Variants in EXOC2 observed in about 807,000 individuals in gnomAD.
EXOC2 encodes exocyst complex component 2.
Under a neutral mutation model 131.8 loss-of-function variants are expected in EXOC2, and 70 were observed. The ratio of observed to expected loss-of-function variants is 0.53; its 90% CI spans 0.44 to 0.65. The LOEUF is 0.65. Ranked by LOEUF, EXOC2 falls within the 30% of genes least tolerant of loss-of-function variation. The pLI is 0.00. For synonymous variants in EXOC2, 411 were observed against 398.4 expected, an observed-to-expected ratio of 1.03 and a Z score of -0.38; for missense variants, 923 against 1,108.6, an observed-to-expected ratio of 0.83 and a Z score of 2.38.
intron 1 of EXOC2, among the ~76,000 whole-genome samples, chr6:658,537 G>A (rs1763243123): frequency 6.6e-6 from 1 of 150,528 alleles, no homozygotes; most frequent in South Asian, 2.1e-4. Context: ...CCAGCATTTA[G>A]AACAGTATTT....
chr6:593,360 C>A (rs1350366765), intron 10 of EXOC2, among the ~76,000 whole-genome samples: 1 of 152,160 alleles, frequency 6.6e-6, no homozygotes, highest in Non-Finnish European at 1.5e-5. Context: ...CTAAAACTAG[C>A]TAAATGAGGG....
Position 633,065 on chromosome 6 carries a change from T to A in EXOC2, c.171A>T (p.Ala57=). Residue 57 remains alanine (A), a synonymous_variant, in exon 3 of 28, where the codon GCA becomes GCT. Transcript: ENST00000230449. The part of the protein sequence containing the change: ...NCLLTAEWMS[A]SKIVCRVGQA... ...GTCCCACTCGACATACTATTTTACT[T>A]GCAGACATCCATTCTGCCGTCAGGA... The A allele has an allele frequency of 6.2e-7, 1 of 1,614,112 alleles. No individual in the cohort carries two copies. The highest frequency in any genetic ancestry group is 8.5e-7 in the Non-Finnish European group (1 of 1,180,012).
intron 1 of EXOC2, among the ~76,000 whole-genome samples, chr6:684,811 ATGAAACCACAAC>A: frequency 6.6e-6 from 1 of 152,226 alleles, no homozygotes; most frequent in Non-Finnish European, 1.5e-5. Context: ...AAAATCAGAA[ATGAAACCACAAC>A]TGAAAGTAGT....
intron 13 of EXOC2, among the ~76,000 whole-genome samples, chr6:566,432 G>C (rs1487493847): frequency 6.6e-6 from 1 of 152,190 alleles, no homozygotes; most frequent in African/African-American, 2.4e-5. Flanking sequence ...GCCGCCTGAA[G>C]GAGAACCTAC....
intron 22 of EXOC2, among the ~76,000 whole-genome samples, chr6:533,119 T>G (rs986916178): frequency 6.6e-6 from 1 of 152,156 alleles, no homozygotes; most frequent in Non-Finnish European, 1.5e-5. Flanking sequence ...GCCACTACGA[T>G]TCAATGACCT....
intron 1 of EXOC2, among the ~76,000 whole-genome samples, chr6:689,540 AG>A (rs1283512062): frequency 6.6e-6 from 1 of 152,196 alleles, no homozygotes; most frequent in African/African-American, 2.4e-5. Context: ...TTATCATCAA[AG>A]CTTCCCAATT....
At chr6:554,806 C>G (rs1487911750) in intron 20 of EXOC2, among the ~76,000 whole-genome samples, 2 of 152,142 alleles carry the variant, frequency 1.3e-5, no homozygotes, top group Admixed American at 1.3e-4. Flanking sequence ...TTGTAAACAT[C>G]AAGAGCTAAC....
chr6:688,734 C>T (rs1478671928), intron 1 of EXOC2, among the ~76,000 whole-genome samples: 3 of 152,228 alleles, frequency 2.0e-5, no homozygotes, highest in Admixed American at 2.0e-4. Flanking sequence ...CCTCACCACT[C>T]CTTGTATATT....
chr6:580,013 C>T (rs1758799208), intron 11 of EXOC2, among the ~76,000 whole-genome samples: 1 of 151,240 alleles, frequency 6.6e-6, no homozygotes, highest in South Asian at 2.1e-4. Context: ...ATACACATTA[C>T]ATAAAGCATA....
intron 4 of EXOC2, 31 bp from the exon 5 acceptor site, chr6:619,574 C>A: frequency 6.6e-7 from 1 of 1,506,218 alleles, no homozygotes; most frequent in South Asian, 1.1e-5. Context: ...AAATATATTT[C>A]AATGGTTATT....
At chr6:656,900 C>G in intron 1 of EXOC2, 1 of 1,558,658 alleles carries the variant, frequency 6.4e-7, no homozygotes, top group Non-Finnish European at 8.7e-7. Context: ...CGTGAATGAA[C>G]AGCTCTAGAC....
In EXOC2 at chr6:488,137, G is replaced by A. The variant is rs376792136; in HGVS notation, c.2681+842C>T. Among the ~76,000 whole-genome samples, 11 of 152,112 alleles carry A rather than the reference G, an allele frequency of 7.2e-5. No homozygotes were observed. In the East Asian group the frequency reaches 9.6e-4, roughly 13 times the overall value. ...TGCGGGGCGGGGCGGCGATGCCCCC[G>A]GGGACTGATGGTGGAAGGGCTGGTC... On this transcript the variant is annotated intron_variant, in intron 27 of 27. Transcript: ENST00000230449.
At chr6:576,316 G>C (rs1309103529) in intron 12 of EXOC2, among the ~76,000 whole-genome samples, 1 of 152,084 alleles carries the variant, frequency 6.6e-6, no homozygotes, top group Non-Finnish European at 1.5e-5. Flanking sequence ...TTCATCTTAG[G>C]AAAAATTATT....
chr6:556,011 G>C lies in EXOC2; in HGVS notation c.1935C>G (p.Val645=). 1 of 1,613,662 alleles carries C rather than the reference G, an allele frequency of 6.2e-7. No homozygotes were observed. Among genetic ancestry groups the C allele is most frequent in the Non-Finnish European group, 8.5e-7 (1 of 1,179,874 alleles). ...VLECKPGEAS[V]FQQPKTQEEV... ...CCTCCTGTGTTTTAGGTTGTTGGAA[G>C]ACCTGTAAGGAAGAATTTTGATGAA... Residue 645 remains valine, a splice_region_variant and synonymous_variant, in exon 19 of 28, where the codon GTC becomes GTG. Transcript: ENST00000230449.
intron 13 of EXOC2, among the ~76,000 whole-genome samples, chr6:567,663 GAT>G (rs890764179): frequency 1.4e-4 from 21 of 148,594 alleles, no homozygotes; most frequent in African/African-American, 5.0e-4. Context: ...ACGTGTACAT[GAT>G]GTGTTGTGTG....
At chr6:615,724 GAA>G (rs199694152) in intron 6 of EXOC2, among the ~76,000 whole-genome samples, 2 of 101,904 alleles carry the variant, frequency 2.0e-5, no homozygotes, top group Admixed American at 1.1e-4. Flanking sequence ...CATCTCAAAA[GAA>G]AAAAAAAAAA....
Position 532,592 on chromosome 6 carries a change from T to C in EXOC2, c.2257A>G (p.Lys753Glu). ...KITQVSMASLKELDQRLFENY... is the reference protein window; with the variant it reads ...KITQVSMASLEELDQRLFENY... ...TCAAAGAGTCTTTGATCTAGTTCTT[T>C]CAATGAGGCCATGCTAACCTATAAA... The change falls in exon 23 of 28, where the codon AAA (lysine) becomes GAA (glutamate). Residue 753 changes from lysine to glutamate, a missense_variant. Transcript: ENST00000230449. 1 of 1,596,064 alleles carries C rather than the reference T, an allele frequency of 6.3e-7. No homozygotes were observed. Among genetic ancestry groups the C allele is most frequent in the Non-Finnish European group, 8.5e-7 (1 of 1,173,402 alleles).
intron 12 of EXOC2, among the ~76,000 whole-genome samples, chr6:575,959 C>T (rs1377182972): frequency 6.6e-6 from 1 of 152,184 alleles, no homozygotes; most frequent in African/African-American, 2.4e-5. Flanking sequence ...GGAAGCCTTT[C>T]ATTTAGTACA....
At chr6:538,057 A>G (rs899610111) in intron 22 of EXOC2, among the ~76,000 whole-genome samples, 1 of 152,234 alleles carries the variant, frequency 6.6e-6, no homozygotes, top group African/African-American at 2.4e-5. Flanking sequence ...ATTACACCTC[A>G]TTTTTTAAAA....
Sources: allele counts gnomAD v4.1 joint callset (sites outside exome capture counted in the v4.1 genomes callset), GRCh38; gene constraint gnomAD v4.1.1; transcripts MANE v1.5; gene names NCBI Gene and HGNC (gene_info 2026-07-23, HGNC 2026-07-21).